GRM8: variants seen among roughly 807,000 people sequenced by gnomAD.
GRM8 encodes the protein metabotropic glutamate receptor 8.
GRM8 carries 47 observed loss-of-function variants against 87.2 expected under a neutral mutation model. The observed-to-expected ratio is 0.54, with a 90% CI of 0.43 to 0.69. GRM8 has a LOEUF of 0.69. GRM8 is among the 30% of genes least tolerant of loss of function. The pLI is 0.00. For synonymous variants in GRM8, 396 were observed against 404.5 expected, an observed-to-expected ratio of 0.98 and a Z score of 0.25; for missense variants, 1,019 against 1,139.2, an observed-to-expected ratio of 0.89 and a Z score of 1.52.
intron 9 of GRM8, among the ~76,000 whole-genome samples, chr7:126,490,515 A>G (rs1376691989): frequency 6.6e-6 from 1 of 152,086 alleles, no homozygotes; most frequent in Non-Finnish European, 1.5e-5. Flanking sequence ...GTTAGAAGAA[A>G]TAGATCCTTA....
chr7:127,138,991 G>T (rs1026178510), intron 2 of GRM8, among the ~76,000 whole-genome samples: 1 of 152,120 alleles, frequency 6.6e-6, no homozygotes, highest in Non-Finnish European at 1.5e-5. Flanking sequence ...TCATTTCACA[G>T]ATAAGAAACC....
chr7:126,497,681 T>C (rs543774680), intron 9 of GRM8, among the ~76,000 whole-genome samples: 1 of 152,002 alleles, frequency 6.6e-6, no homozygotes, highest in African/African-American at 2.4e-5. Flanking sequence ...CCCCTATGAA[T>C]ACATTACAAT....
intron 8 of GRM8, among the ~76,000 whole-genome samples, chr7:126,536,610 A>G (rs1815763140): frequency 1.3e-5 from 2 of 152,206 alleles, no homozygotes; most frequent in Non-Finnish European, 2.9e-5. Flanking sequence ...GAAGAAAGAA[A>G]TAAAGGTAAA....
intron 2 of GRM8, among the ~76,000 whole-genome samples, chr7:127,138,357 C>T (rs1706304239): frequency 6.6e-6 from 1 of 152,110 alleles, no homozygotes. Flanking sequence ...CAGTTAGAAT[C>T]TGCAGAACCT....
chr7:126,766,113 A>C (rs985324482), intron 7 of GRM8, among the ~76,000 whole-genome samples: 1 of 152,168 alleles, frequency 6.6e-6, no homozygotes, highest in Non-Finnish European at 1.5e-5. Context: ...TTTGTCAATT[A>C]AATGATACAC....
At chr7:126,876,325 T>A (rs1221068982) in intron 6 of GRM8, among the ~76,000 whole-genome samples, 1 of 152,212 alleles carries the variant, frequency 6.6e-6, no homozygotes, top group Non-Finnish European at 1.5e-5. Flanking sequence ...TTCCTAAAAT[T>A]GCCTGATACT....
chr7:126,452,026 G>A (rs1304246522), intron 9 of GRM8, among the ~76,000 whole-genome samples: 1 of 151,556 alleles, frequency 6.6e-6, no homozygotes, highest in Admixed American at 6.6e-5. Context: ...TGTTGTTCAC[G>A]GCTGTAAACT....
At chr7:126,638,551 A>C (rs1443322350) in intron 7 of GRM8, among the ~76,000 whole-genome samples, 1 of 152,172 alleles carries the variant, frequency 6.6e-6, no homozygotes, top group Admixed American at 6.6e-5. Flanking sequence ...GGCAGCCTAG[A>C]GTACTGGAAG....
intron 7 of GRM8, among the ~76,000 whole-genome samples, chr7:126,768,253 A>G (rs2151599688): frequency 6.6e-6 from 1 of 151,496 alleles, no homozygotes; most frequent in Middle Eastern, 3.4e-3. Context: ...TCTCCAGGAA[A>G]CTCGAAGTGC....
At chr7:126,445,967 T>C (rs1801970557) in intron 10 of GRM8, 159 bp downstream of exon 10, 1 of 814,708 alleles carries the variant, frequency 1.2e-6, no homozygotes, top group Non-Finnish European at 2.0e-6. Flanking sequence ...ACCATTTGCT[T>C]CGAATGGTTT....
chr7:126,723,041 T>C (rs908481219), intron 7 of GRM8, among the ~76,000 whole-genome samples: 7 of 145,710 alleles, frequency 4.8e-5, no homozygotes, highest in Non-Finnish European at 1.0e-4. Flanking sequence ...ATAAATCAAA[T>C]CAGACAAGGC....
rs562757744 is a variant in GRM8 at position 127,159,992 on chromosome 7, T to A, written c.511-53280A>T. On this transcript the variant is annotated intron_variant, in intron 2 of 10. Coordinates refer to ENST00000339582, the MANE Select transcript of GRM8 (RefSeq NM_000845.3). ...TAGGAAAGCAAAACTAAAGAATAAA[T>A]ACTGTAATGGAATGTAAAAGAATAT... Among the ~76,000 whole-genome samples, 6 of 152,226 alleles carry A rather than the reference T, an allele frequency of 3.9e-5. No homozygotes were observed. The South Asian group carries it at 1.2e-3, about 32-fold the overall frequency.
At chr7:127,138,138 G>A (rs1047558535) in intron 2 of GRM8, among the ~76,000 whole-genome samples, 10 of 152,174 alleles carry the variant, frequency 6.6e-5, no homozygotes, top group African/African-American at 2.4e-4. Flanking sequence ...TAGCACAAGA[G>A]AGGTTCCACA....
chr7:127,109,665 ACT>A (rs1248142151), intron 2 of GRM8, among the ~76,000 whole-genome samples: 2 of 152,004 alleles, frequency 1.3e-5, no homozygotes, highest in Non-Finnish European at 1.5e-5. Context: ...TAGAATCATG[ACT>A]CTGCTGGCTT....
At chr7:127,187,594 T>C (rs1053059544) in intron 2 of GRM8, among the ~76,000 whole-genome samples, 4 of 152,168 alleles carry the variant, frequency 2.6e-5, no homozygotes, top group Non-Finnish European at 4.4e-5. Flanking sequence ...AACTCCTTTG[T>C]CACATACGCG....
intron 3 of GRM8, among the ~76,000 whole-genome samples, chr7:127,045,160 G>T (rs2132437601): frequency 6.6e-6 from 1 of 152,180 alleles, no homozygotes; most frequent in South Asian, 2.1e-4. Flanking sequence ...TGACTTCAAA[G>T]TCTATCACTG....
chr7:126,472,703 G>A (rs1047736020), intron 9 of GRM8, among the ~76,000 whole-genome samples: 7 of 152,184 alleles, frequency 4.6e-5, no homozygotes, highest in African/African-American at 4.8e-5. Flanking sequence ...AATGTCTCCC[G>A]AGCATGTCAG....
At chr7:126,576,884 T>A (rs1350856817) in intron 8 of GRM8, among the ~76,000 whole-genome samples, 3 of 152,200 alleles carry the variant, frequency 2.0e-5, no homozygotes, top group African/African-American at 7.2e-5. Flanking sequence ...TTGACTCTGT[T>A]GTATCCTTTC....
intron 9 of GRM8, among the ~76,000 whole-genome samples, chr7:126,474,557 C>A (rs1479839204): frequency 3.3e-5 from 5 of 152,146 alleles, no homozygotes; most frequent in African/African-American, 9.7e-5. Flanking sequence ...AGCCACCATG[C>A]CCAACCTACA....
Sources: gnomAD v4.1 joint callset for allele counts (sites outside exome capture counted in the v4.1 genomes callset) on GRCh38, gnomAD v4.1.1 for gene constraint, MANE v1.5 for transcripts, NCBI Gene and HGNC (gene_info 2026-07-23, HGNC 2026-07-21) for gene names.